The following SPAG9 variants were observed in gnomAD, a reference collection of about 807,000 sequenced individuals.
SPAG9 encodes sperm associated antigen 9, also known as C-Jun-amino-terminal kinase-interacting protein 4.
A neutral mutation model predicts 166.5 loss-of-function variants in SPAG9; 35 were observed. That is an observed-to-expected ratio of 0.21 (90% confidence interval 0.16 to 0.28). The LOEUF (loss-of-function observed/expected upper bound fraction) is 0.28, where lower values mean the gene tolerates loss of function less well. SPAG9 is among the 10% of genes least tolerant of loss of function. SPAG9 has a pLI of 1.00. For synonymous variants in SPAG9, 534 were observed against 565.5 expected (o/e 0.94, Z 0.79); for missense variants, 1,235 against 1,603.3 (o/e 0.77, Z 3.92).
intron 3 of SPAG9, among the ~76,000 whole-genome samples, chr17:51,052,401 T>C (rs2047206156): frequency 6.6e-6 from 1 of 152,168 alleles, no homozygotes; most frequent in African/African-American, 2.4e-5. Flanking sequence ...CAGCCCTATA[T>C]ATGTTACATA....
At position 50,995,709 on chromosome 17, in the gene SPAG9, T is replaced by C; in HGVS notation, c.1969-176A>G. On this transcript the variant is annotated intron_variant, in intron 16 of 29. Coordinates refer to ENST00000262013, the MANE Select transcript of SPAG9 (RefSeq NM_001130528.3). ...GACAGGGTCGCTCTACTGCCCAGGC[T>C]AGAGTGCAGTGGCTTGATCATGGCT... is the stretch of plus-strand genomic sequence containing the variant. 5.2e-6 allele frequency: 3 copies of C among 578,956 alleles called. No individual in the cohort carries two copies. In the East Asian group the frequency reaches 8.8e-5, roughly 17 times the overall value. 35.9% of individuals were successfully genotyped at this position (578,956 alleles called of 1,614,324 possible). A position where few individuals can be genotyped will look rare whatever the true frequency, so the allele number is the denominator to read the frequency against.
At chr17:51,096,006 G>GATATATATAT (rs369064263) in intron 1 of SPAG9, among the ~76,000 whole-genome samples, 1 of 88,576 alleles carries the variant, frequency 1.1e-5, no homozygotes, top group African/African-American at 5.0e-5. Flanking sequence ...TATATATAGT[G>GATATATATAT]ATATATATAT....
chr17:50,995,186 C>A lies in SPAG9; in HGVS notation c.2097G>T (p.Lys699Asn), dbSNP rs755721936. The part of the protein sequence containing the change: ...CAVGVNLSGG[K>N]TRDGGSVVGA... ...CAACAACAGAACCACCATCTCTGGT[C>A]TTCCCACCAGATAAATTGACTCCAA... is the stretch of plus-strand genomic sequence containing the variant. The change falls in exon 18 of 30, where the codon AAG becomes AAT. Residue 699 changes from lysine (K) to asparagine (N), a missense_variant. Transcript: ENST00000262013. 66 of 1,613,914 alleles carry A rather than the reference C, an allele frequency of 4.1e-5. No individual in the cohort carries two copies. Among genetic ancestry groups the A allele is most frequent in the Non-Finnish European group, 5.3e-5 (63 of 1,179,798 alleles).
At chr17:50,995,333 T>C in intron 17 of SPAG9, 109 bp from the exon 18 acceptor site, 5 of 1,313,742 alleles carry the variant, frequency 3.8e-6, no homozygotes, top group Non-Finnish European at 5.2e-6. Flanking sequence ...CCTAATATTA[T>C]AAAATGAACA....
chr17:51,057,749 A>G (rs2047398905), intron 2 of SPAG9, among the ~76,000 whole-genome samples: 2 of 152,310 alleles, frequency 1.3e-5, no homozygotes, highest in South Asian at 4.1e-4. Flanking sequence ...GCAAACACAC[A>G]CTACAGTACC....
chr17:51,093,312 G>A (rs2048519984), intron 1 of SPAG9, among the ~76,000 whole-genome samples: 1 of 151,850 alleles, frequency 6.6e-6, no homozygotes, highest in African/African-American at 2.4e-5. Flanking sequence ...TATGCAGAAA[G>A]GGGCATGTAC....
At chr17:50,996,467 G>T in intron 16 of SPAG9, 98 bp downstream of exon 16, 2 of 1,386,086 alleles carry the variant, frequency 1.4e-6, no homozygotes, top group Non-Finnish European at 2.0e-6. Flanking sequence ...GCTGAGATGA[G>T]CAGGGCTGGG....
chr17:50,995,089 T>C lies in SPAG9; in HGVS notation c.2194A>G (p.Ser732Gly). 2 of 1,613,882 alleles carry C rather than the reference T, an allele frequency of 1.2e-6. No individual in the cohort carries two copies. The highest frequency in any genetic ancestry group is 1.7e-6 in the Non-Finnish European group (2 of 1,179,900). The change falls in exon 18 of 30, where the codon AGT (serine) becomes GGT (glycine). Residue 732 changes from serine to glycine, a missense_variant. Coordinates refer to ENST00000262013, the MANE Select transcript of SPAG9 (RefSeq NM_001130528.3). ...EGSKQRSASQ[S>G]SLDKLDQELK... ...TCCTGATCTAACTTATCTAAACTAC[T>C]CTGAGAGGCACTTCGCTGTTTACTG...
chr17:51,004,425 C>T (rs2045105929), intron 12 of SPAG9, among the ~76,000 whole-genome samples: 1 of 152,150 alleles, frequency 6.6e-6, no homozygotes. Context: ...GACCTTTGAC[C>T]TGCAAACATT....
intron 1 of SPAG9, among the ~76,000 whole-genome samples, chr17:51,111,522 G>A (rs554373794): frequency 2.0e-5 from 3 of 152,276 alleles, no homozygotes; most frequent in Admixed American, 1.3e-4. Flanking sequence ...GCAATCCAGT[G>A]AATAGTCAAT....
chr17:51,070,238 C>G (rs535518756), intron 2 of SPAG9, among the ~76,000 whole-genome samples: 2 of 152,126 alleles, frequency 1.3e-5, no homozygotes, highest in South Asian at 4.1e-4. Context: ...ATCCAAGGAG[C>G]CTGAGGGCAA....
At chr17:51,073,322 C>T (rs1217922863) in intron 2 of SPAG9, among the ~76,000 whole-genome samples, 2 of 150,764 alleles carry the variant, frequency 1.3e-5, no homozygotes, top group East Asian at 3.9e-4. Flanking sequence ...AGCAAGACTC[C>T]GTCTCAAAAA....
At chr17:50,998,106 C>G (rs1597950377) in intron 15 of SPAG9, among the ~76,000 whole-genome samples, 2 of 143,552 alleles carry the variant, frequency 1.4e-5, no homozygotes, top group African/African-American at 5.2e-5. Context: ...GATCTCGGCT[C>G]ACTGCAACCC....
chr17:51,092,744 G>C (rs372936281), intron 1 of SPAG9, among the ~76,000 whole-genome samples: 9 of 132,670 alleles, frequency 6.8e-5, no homozygotes, highest in African/African-American at 2.5e-4. Context: ...AGAGACCCTT[G>C]TCTCTACAAA....
intron 3 of SPAG9, among the ~76,000 whole-genome samples, chr17:51,050,803 T>C (rs1455166203): frequency 6.6e-6 from 1 of 151,800 alleles, no homozygotes; most frequent in Non-Finnish European, 1.5e-5. Context: ...TAGGACACGC[T>C]TCAGATAATC....
chr17:50,966,254 C>T lies in SPAG9; in HGVS notation c.*18G>A, dbSNP rs1482710188. On this transcript the variant is annotated 3_prime_UTR_variant, in exon 30 of 30. Transcript: ENST00000262013. The stretch of plus-strand genomic sequence containing the variant: ...GCAGAAGAGACGGCTTCCCCATCTC[C>T]ACCTGTTTCCCATGGGCTCACTCAT... 1 of 1,459,382 alleles carries T rather than the reference C, an allele frequency of 6.9e-7. No homozygotes were observed. The highest frequency in any genetic ancestry group is 9.6e-7 in the Non-Finnish European group (1 of 1,039,442). 90.4% of individuals were successfully genotyped at this position (1,459,382 alleles called of 1,614,324 possible). A position where few individuals can be genotyped will look rare whatever the true frequency, so the allele number is the denominator to read the frequency against.
chr17:51,072,685 AAAAAT>A, intron 2 of SPAG9, among the ~76,000 whole-genome samples: 1 of 152,068 alleles, frequency 6.6e-6, no homozygotes, highest in Admixed American at 6.5e-5. Context: ...CTCTGTCTCA[AAAAAT>A]AAAATAAAAT....
intron 24 of SPAG9, among the ~76,000 whole-genome samples, chr17:50,984,032 T>C (rs1252044141): frequency 6.6e-6 from 1 of 152,178 alleles, no homozygotes; most frequent in Non-Finnish European, 1.5e-5. Flanking sequence ...TATCTATGTT[T>C]CATAATACTT....
intron 9 of SPAG9, among the ~76,000 whole-genome samples, chr17:51,008,677 C>G (rs2045327768): frequency 1.3e-5 from 2 of 152,086 alleles, no homozygotes; most frequent in Non-Finnish European, 2.9e-5. Flanking sequence ...TCTCAAAGAT[C>G]AGGGTACTTA....
Sources: allele counts gnomAD v4.1 joint callset (sites outside exome capture counted in the v4.1 genomes callset), GRCh38; gene constraint gnomAD v4.1.1; transcripts MANE v1.5; gene names NCBI Gene and HGNC (gene_info 2026-07-23, HGNC 2026-07-21).